UBE2E3: variants seen among roughly 807,000 people sequenced by gnomAD.
The protein encoded by UBE2E3 is ubiquitin-conjugating enzyme E2 E3.
Under a neutral mutation model 23.6 loss-of-function variants are expected in UBE2E3, and 5 were observed. The ratio of observed to expected loss-of-function variants is 0.21; its 90% confidence interval spans 0.11 to 0.44. The LOEUF is 0.44. UBE2E3 is among the 20% of genes least tolerant of loss of function. The probability of loss-of-function intolerance (pLI) is 0.99; values close to 1 mark genes in which losing one functional copy is unlikely to be tolerated. For missense variants in UBE2E3, 81 were observed against 249.8 expected (o/e 0.32, Z 4.55); for synonymous variants, 78 against 87.5 (o/e 0.89, Z 0.60).
chr2:181,051,873 A>G (rs1686853084), intron 3 of UBE2E3, among the ~76,000 whole-genome samples: 2 of 151,874 alleles, frequency 1.3e-5, no homozygotes, highest in African/African-American at 4.8e-5. Flanking sequence ...TGTTTTCTAG[A>G]CTGCTTTTTT....
intron 3 of UBE2E3, among the ~76,000 whole-genome samples, chr2:181,016,007 A>AT (rs1685476634): frequency 6.6e-6 from 1 of 151,808 alleles, no homozygotes; most frequent in African/African-American, 2.4e-5. Context: ...GAAGATTAAA[A>AT]TTTGTTCAAT....
intron 3 of UBE2E3, among the ~76,000 whole-genome samples, chr2:181,006,341 G>T (rs527404841): frequency 6.6e-6 from 1 of 151,104 alleles, no homozygotes; most frequent in South Asian, 2.1e-4. Context: ...ACACCTCCCT[G>T]TTCAATGTAT....
At chr2:180,996,648 G>A (rs78937846) in intron 3 of UBE2E3, among the ~76,000 whole-genome samples, 1 of 152,220 alleles carries the variant, frequency 6.6e-6, no homozygotes, top group East Asian at 1.9e-4. Context: ...CCATTTCCAG[G>A]TATCTTGGAG....
intron 4 of UBE2E3, among the ~76,000 whole-genome samples, chr2:181,058,800 A>G (rs1459302480): frequency 1.3e-5 from 2 of 151,898 alleles, no homozygotes; most frequent in East Asian, 1.9e-4. Flanking sequence ...CTTATTGTCT[A>G]ACAAGGTAAC....
intron 3 of UBE2E3, among the ~76,000 whole-genome samples, chr2:181,030,161 T>A (rs1686030981): frequency 1.3e-5 from 2 of 151,984 alleles, no homozygotes; most frequent in South Asian, 4.1e-4. Flanking sequence ...GTATTTTGGT[T>A]GTCTTTGGTG....
intron 3 of UBE2E3, among the ~76,000 whole-genome samples, chr2:181,025,635 A>G (rs561982730): frequency 2.0e-5 from 3 of 152,052 alleles, no homozygotes; most frequent in Admixed American, 6.5e-5. Flanking sequence ...TGTCTCAGAA[A>G]TGAGGGAAAT....
chr2:181,003,015 G>A (rs1295663762), intron 3 of UBE2E3, among the ~76,000 whole-genome samples: 1 of 152,218 alleles, frequency 6.6e-6, no homozygotes, highest in Non-Finnish European at 1.5e-5. Context: ...CTCTGCCCAT[G>A]TGTCTTTGTT....
At chr2:181,050,452 A>T (rs1187231225) in intron 3 of UBE2E3, among the ~76,000 whole-genome samples, 2 of 151,926 alleles carry the variant, frequency 1.3e-5, no homozygotes, top group East Asian at 3.9e-4. Context: ...GGACTCTTAG[A>T]GTAGACACTT....
At chr2:181,036,485 G>A (rs774295434) in intron 3 of UBE2E3, among the ~76,000 whole-genome samples, 1 of 152,224 alleles carries the variant, frequency 6.6e-6, no homozygotes, top group Non-Finnish European at 1.5e-5. Flanking sequence ...TCCCGTGTCT[G>A]TGTGGGCTTT....
At chr2:181,045,329 G>A (rs1487727777) in intron 3 of UBE2E3, among the ~76,000 whole-genome samples, 1 of 152,166 alleles carries the variant, frequency 6.6e-6, no homozygotes, top group African/African-American at 2.4e-5. Context: ...CAGCAAAGCT[G>A]CATTACCTCA....
chr2:181,021,600 CT>C (rs1685691801), intron 3 of UBE2E3, among the ~76,000 whole-genome samples: 3 of 110,188 alleles, frequency 2.7e-5, no homozygotes, highest in African/African-American at 6.8e-5. Flanking sequence ...TCCTCCCTCC[CT>C]TCCTTCCTTC....
At chr2:180,983,643 C>T (rs541946418) in intron 2 of UBE2E3, among the ~76,000 whole-genome samples, 208 of 152,224 alleles carry the variant, frequency 1.4e-3, no homozygotes, top group Admixed American at 2.4e-3. Flanking sequence ...TAATTTTTAC[C>T]TCAGTAAAAG....
chr2:180,997,943 T>C (rs891933735), intron 3 of UBE2E3, among the ~76,000 whole-genome samples: 1 of 152,162 alleles, frequency 6.6e-6, no homozygotes. Flanking sequence ...TATTGCCTCT[T>C]GTCATGTACC....
At chr2:181,059,676 CA>C (rs899649351) in intron 4 of UBE2E3, among the ~76,000 whole-genome samples, 2 of 151,584 alleles carry the variant, frequency 1.3e-5, no homozygotes, top group Non-Finnish European at 1.5e-5. Flanking sequence ...CACCTTGCCA[CA>C]ATTTAAGAGC....
chr2:181,042,814 C>T (rs1230976422), intron 3 of UBE2E3, among the ~76,000 whole-genome samples: 1 of 152,190 alleles, frequency 6.6e-6, no homozygotes, highest in Non-Finnish European at 1.5e-5. Flanking sequence ...TAGGAGCTGT[C>T]AGCTTCACTA....
At chr2:180,985,042 A>G (rs1684414003) in intron 3 of UBE2E3, among the ~76,000 whole-genome samples, 1 of 152,134 alleles carries the variant, frequency 6.6e-6, no homozygotes, top group African/African-American at 2.4e-5. Context: ...TTCACTTGGG[A>G]TGATCAGACC....
chr2:180,989,830 G>C, intron 3 of UBE2E3: 4 of 1,506,294 alleles, frequency 2.7e-6, no homozygotes, highest in Non-Finnish European at 3.6e-6. Flanking sequence ...AGTACTTTAT[G>C]CTCTCCTTAA....
intron 3 of UBE2E3, among the ~76,000 whole-genome samples, chr2:181,017,484 A>G (rs1223951963): frequency 1.3e-5 from 2 of 152,016 alleles, no homozygotes; most frequent in African/African-American, 4.8e-5. Flanking sequence ...TGGACTACGA[A>G]TGTGACAATT....
intron 3 of UBE2E3, among the ~76,000 whole-genome samples, chr2:181,004,884 A>C (rs1248651713): frequency 6.6e-6 from 1 of 152,214 alleles, no homozygotes; most frequent in African/African-American, 2.4e-5. Context: ...TGTTTGTATG[A>C]TAAATCTTCA....
Sources: gnomAD v4.1 joint callset for allele counts (sites outside exome capture counted in the v4.1 genomes callset) on GRCh38, gnomAD v4.1.1 for gene constraint, MANE v1.5 for transcripts, NCBI Gene and HGNC (gene_info 2026-07-23, HGNC 2026-07-21) for gene names.